Variants in NLRC3 observed in about 807,000 individuals in gnomAD.
NLRC3 encodes NLR family CARD domain containing 3.
A neutral mutation model predicts 91.6 loss-of-function variants in NLRC3; 87 were observed. The observed-to-expected ratio is 0.95, with a 90% CI of 0.80 to 1.14. NLRC3 has a LOEUF of 1.14. Ranked by LOEUF, NLRC3 falls within the 50% of genes most tolerant of loss-of-function variation. NLRC3 has a pLI of 0.00. For synonymous variants in NLRC3, 694 were observed against 625.3 expected, an observed-to-expected ratio of 1.11 and a Z score of -1.64; for missense variants, 1,577 against 1,418.6, an observed-to-expected ratio of 1.11 and a Z score of -1.79.
chr16:3,568,764 C>G (rs2039980312), intron 1 of NLRC3, among the ~76,000 whole-genome samples: 1 of 152,088 alleles, frequency 6.6e-6, no homozygotes, highest in Admixed American at 6.6e-5. Context: ...TTGACATTGC[C>G]TCATGTGTAT....
Position 3,546,859 on chromosome 16 carries a change from G to A in NLRC3, c.2771+1276C>T, listed in dbSNP as rs146802635. Reference sequence around the variant, plus strand: ...CCAGGAAAAGAGACGCCAGGCAAGCGAAGATGACATAGGACGATCCCTGAG... The same window carrying A: ...CCAGGAAAAGAGACGCCAGGCAAGCAAAGATGACATAGGACGATCCCTGAG... On this transcript the variant is annotated intron_variant, in intron 15 of 19. Transcript: ENST00000359128. Among the ~76,000 whole-genome samples the A allele has an allele frequency of 1.4e-3, 216 of 152,198 alleles. 1 individual carries two copies. The East Asian group carries it at 0.027, about 19-fold the overall frequency.
At chr16:3,568,666 G>C (rs950117438) in intron 1 of NLRC3, among the ~76,000 whole-genome samples, 9 of 152,196 alleles carry the variant, frequency 5.9e-5, no homozygotes, top group Non-Finnish European at 8.8e-5. Flanking sequence ...GGTTGAGGCT[G>C]CAATGAGCAG....
At chr16:3,548,997 CG>C in intron 13 of NLRC3, 144 bp downstream of exon 13, 1 of 699,584 alleles carries the variant, frequency 1.4e-6, no homozygotes, top group Non-Finnish European at 2.5e-6. Flanking sequence ...ACTTGCCACC[CG>C]ATGTCAGGTC....
chr16:3,563,998 C>G lies in NLRC3; in HGVS notation c.939G>C (p.Leu313=). 1 of 1,607,768 alleles carries G rather than the reference C, an allele frequency of 6.2e-7. No homozygotes were observed. The highest frequency in any genetic ancestry group is 8.5e-7 in the Non-Finnish European group (1 of 1,179,392). ...PEDQALLGWM[L]SQVQADRALY... ...GGGCCCTGTCAGCCTGCACTTGGCT[C>G]AGCATCCAGCCCAGAAGGGCCTGGT... is the stretch of plus-strand genomic sequence containing the variant. The change falls in exon 5 of 20, where the codon CTG becomes CTC. Residue 313 remains leucine (L), a synonymous_variant. Coordinates refer to ENST00000359128, the MANE Select transcript of NLRC3 (RefSeq NM_178844.4).
At position 3,540,872 on chromosome 16, in the gene NLRC3, C is replaced by T. The variant is rs566450530; in HGVS notation, c.*953G>A. ...AACCAGTGTGCCAGACTCCAGACAA[C>T]ATGTGCCAGGCATCACCCATGTCTT... On this transcript the variant is annotated 3_prime_UTR_variant, in exon 20 of 20. Coordinates refer to ENST00000359128, the MANE Select transcript of NLRC3 (RefSeq NM_178844.4). The T allele has an allele frequency of 1.3e-5, 2 of 152,214 alleles. No individual in the cohort carries two copies. Among genetic ancestry groups the T allele is most frequent in the Non-Finnish European group, 2.9e-5 (2 of 68,028 alleles). 9.4% of individuals were successfully genotyped at this position (152,214 alleles called of 1,614,324 possible).
intron 8 of NLRC3, among the ~76,000 whole-genome samples, chr16:3,555,211 CAG>C (rs2039240532): frequency 7.9e-6 from 1 of 126,846 alleles, no homozygotes; most frequent in African/African-American, 3.0e-5. Context: ...GTCTGGGTGA[CAG>C]AGTCAGACTC....
At chr16:3,549,282 G>T in intron 12 of NLRC3, 57 bp from the exon 13 acceptor site, 1 of 1,292,598 alleles carries the variant, frequency 7.7e-7, no homozygotes, top group Non-Finnish European at 1.1e-6. Context: ...GTCTGGCAAA[G>T]CCAAGCCCAG....
chr16:3,566,860 C>T (rs2039904620), intron 2 of NLRC3, among the ~76,000 whole-genome samples: 1 of 152,178 alleles, frequency 6.6e-6, no homozygotes, highest in African/African-American at 2.4e-5. Flanking sequence ...CACTGCACTC[C>T]AGTCGGAGGG....
At chr16:3,558,059 G>A (rs917402666) in intron 6 of NLRC3, among the ~76,000 whole-genome samples, 5 of 152,210 alleles carry the variant, frequency 3.3e-5, no homozygotes, top group Non-Finnish European at 5.9e-5. Flanking sequence ...CAAAAACTGG[G>A]CTGTGCGTGG....
At chr16:3,551,374 A>G (rs2038990733) in intron 10 of NLRC3, among the ~76,000 whole-genome samples, 1 of 149,112 alleles carries the variant, frequency 6.7e-6, no homozygotes, top group South Asian at 2.1e-4. Context: ...GTACCCATCC[A>G]CCTATCCACC....
Position 3,563,563 on chromosome 16 carries a change from C to A in NLRC3, c.1374G>T (p.Leu458=), listed in dbSNP as rs77948606. The A allele has an allele frequency of 8.9e-5, 144 of 1,612,156 alleles. No homozygotes were observed. In the East Asian group the frequency reaches 2.8e-3, roughly 31 times the overall value. The change falls in exon 5 of 20, where the codon CTG becomes CTT. Residue 458 remains leucine (L), a synonymous_variant. Transcript: ENST00000359128. ...AATACGCGGCTGCCACAAACTCCTG[C>A]AGGGACAGGTGGGTGAAGCAGTAGG... ...SVAYCFTHLS[L]QEFVAAAYYY... is the part of the protein sequence containing the mutation.
intron 8 of NLRC3, among the ~76,000 whole-genome samples, chr16:3,555,337 C>T (rs114867116): frequency 0.013 from 2,053 of 152,104 alleles, 55 homozygotes; most frequent in African/African-American, 0.047. Context: ...AGCCGCACAC[C>T]AAAGGCGAGC....
chr16:3,566,538 C>T (rs959935725), intron 2 of NLRC3, among the ~76,000 whole-genome samples: 2 of 152,014 alleles, frequency 1.3e-5, no homozygotes, highest in African/African-American at 4.8e-5. Context: ...CCAGCCTGAC[C>T]AACATGGAGA....
chr16:3,546,469 A>G (rs973714367), intron 15 of NLRC3, among the ~76,000 whole-genome samples: 4 of 151,916 alleles, frequency 2.6e-5, no homozygotes, highest in African/African-American at 9.7e-5. Flanking sequence ...AGGCAGGAGA[A>G]TCGCTTGGAC....
At position 3,564,316 on chromosome 16, in the gene NLRC3, C is replaced by T. The variant is rs188485174; in HGVS notation, c.621G>A (p.Ala207=). The change falls in exon 5 of 20, where the codon GCG becomes GCA. Residue 207 remains alanine (A), a synonymous_variant. Coordinates refer to ENST00000359128, the MANE Select transcript of NLRC3 (RefSeq NM_178844.4). The surrounding 1 kb of genome is among the most constrained non-coding windows in gnomAD (Gnocchi z 5.9). ...GGAGGGCCCTGGCTGGGACTGCCACCGCCAGGCTGGGCTCCCCGACGTGCG... is the reference window on the plus strand; with the variant it reads ...GGAGGGCCCTGGCTGGGACTGCCACTGCCAGGCTGGGCTCCCCGACGTGCG... ...VFPHVGEPSL[A]VAVPARALLI... is the part of the protein sequence containing the mutation. 31 of 1,611,364 alleles carry T rather than the reference C, an allele frequency of 1.9e-5. No homozygotes were observed. The highest frequency in any genetic ancestry group is 1.6e-4 in the Middle Eastern group (1 of 6,082).
intron 1 of NLRC3, among the ~76,000 whole-genome samples, chr16:3,569,395 T>TATAGATATATATATATATATATATA (rs1491362144): frequency 2.1e-5 from 1 of 47,754 alleles, no homozygotes; most frequent in African/African-American, 7.4e-5. Context: ...TATATATATA[T>TATAGATATATATATATATATATATA]TATTTTTTTT....
intron 6 of NLRC3, among the ~76,000 whole-genome samples, chr16:3,561,127 G>A (rs751525419): frequency 2.0e-5 from 3 of 151,942 alleles, no homozygotes; most frequent in Non-Finnish European, 4.4e-5. Context: ...CAAGGCTGGC[G>A]GATCACAAGG....
At chr16:3,551,534 ACCATCCAT>A (rs1224483634) in intron 10 of NLRC3, among the ~76,000 whole-genome samples, 1 of 132,460 alleles carries the variant, frequency 7.5e-6, no homozygotes, top group Non-Finnish European at 1.6e-5. Flanking sequence ...CATTTATTCA[ACCATCCAT>A]CCATCCATCC....
chr16:3,567,912 C>G, intron 1 of NLRC3, among the ~76,000 whole-genome samples: 1 of 150,646 alleles, frequency 6.6e-6, no homozygotes, highest in Non-Finnish European at 1.5e-5. Context: ...GTTGCCCAGG[C>G]TGGAGTGCAA....
Sources: gnomAD v4.1 joint callset for allele counts (sites outside exome capture counted in the v4.1 genomes callset) on GRCh38, gnomAD v4.1.1 for gene constraint, Gnocchi (gnomAD v3.1) non-coding constraint, MANE v1.5 for transcripts, NCBI Gene and HGNC (gene_info 2026-07-23, HGNC 2026-07-21) for gene names.